Variants in MYCBP2 observed in about 807,000 individuals in gnomAD.
MYCBP2 encodes the protein E3 ubiquitin-protein ligase MYCBP2.
Under a neutral mutation model 525.3 loss-of-function variants are expected in MYCBP2, and 120 were observed. That is an observed-to-expected ratio of 0.23 (90% CI 0.20 to 0.27). The LOEUF (loss-of-function observed/expected upper bound fraction) is 0.27. Among genes scored for constraint, MYCBP2 ranks in the 10% least tolerant of loss-of-function variants. The probability of loss-of-function intolerance (pLI) is 1.00; values close to 1 mark genes in which losing one functional copy is unlikely to be tolerated. For synonymous variants in MYCBP2, 1,894 were observed against 1,955.8 expected (o/e 0.97, Z 0.83); for missense variants, 4,149 against 5,657.1 (o/e 0.73, Z 8.55).
intron 21 of MYCBP2, 58 bp downstream of exon 21, chr13:77,217,782 G>C: frequency 2.8e-6 from 3 of 1,080,314 alleles, no homozygotes; most frequent in Non-Finnish European, 2.7e-6. Context: ...AGCTAATATA[G>C]ACAAATTATA....
intron 15 of MYCBP2, among the ~76,000 whole-genome samples, chr13:77,245,689 GTATACCTATGTAACAAACCTGCACGT>G: frequency 6.6e-6 from 1 of 151,266 alleles, no homozygotes; most frequent in East Asian, 1.9e-4. Context: ...CATGGCATGT[GTATACCTATGTAACAAACCTGCACGT>G]TCTGCACATG....
chr13:77,238,521 A>T (rs2068317665), intron 17 of MYCBP2, among the ~76,000 whole-genome samples: 1 of 152,198 alleles, frequency 6.6e-6, no homozygotes, highest in Admixed American at 6.5e-5. Context: ...CTGAATAAGC[A>T]CTTCACTTGC....
chr13:77,177,726 A>G, intron 35 of MYCBP2, 22 bp downstream of exon 35: 1 of 1,585,380 alleles, frequency 6.3e-7, no homozygotes, highest in South Asian at 1.1e-5. Context: ...ATCAGGATAA[A>G]TACTAAAAGG....
At chr13:77,060,003 T>C (rs1465106757) in intron 76 of MYCBP2, among the ~76,000 whole-genome samples, 1 of 152,094 alleles carries the variant, frequency 6.6e-6, no homozygotes, top group Non-Finnish European at 1.5e-5. Context: ...GTTAGGGAAA[T>C]CTTTAACTAT....
At chr13:77,300,453 C>T (rs2078660429) in intron 1 of MYCBP2, among the ~76,000 whole-genome samples, 2 of 152,210 alleles carry the variant, frequency 1.3e-5, no homozygotes, top group Non-Finnish European at 2.9e-5. Flanking sequence ...ACATTCTCTT[C>T]CTTTTTTATT....
chr13:77,158,452 CT>C (rs1449311062), intron 44 of MYCBP2, among the ~76,000 whole-genome samples: 3 of 152,012 alleles, frequency 2.0e-5, no homozygotes, highest in Admixed American at 6.6e-5. Flanking sequence ...ATGTCTCCCC[CT>C]TTTTTCTTTT....
At chr13:77,093,092 G>A in intron 59 of MYCBP2, 73 bp downstream of exon 59, 1 of 1,409,596 alleles carries the variant, frequency 7.1e-7, no homozygotes, top group Non-Finnish European at 9.6e-7. Context: ...ACTTCTACAG[G>A]ACTCTTTTCT....
At chr13:77,186,736 A>C (rs1226833954) in intron 30 of MYCBP2, among the ~76,000 whole-genome samples, 3 of 151,974 alleles carry the variant, frequency 2.0e-5, no homozygotes, top group East Asian at 3.9e-4. Flanking sequence ...TGAATCTCAA[A>C]GCAGAGCACT....
chr13:77,196,163 G>C (rs968523308), intron 26 of MYCBP2, among the ~76,000 whole-genome samples: 3 of 152,218 alleles, frequency 2.0e-5, no homozygotes, highest in African/African-American at 7.2e-5. Flanking sequence ...TGAGGAAACA[G>C]CAAGTGAAGA....
At chr13:77,187,494 T>C (rs2060837348) in intron 30 of MYCBP2, among the ~76,000 whole-genome samples, 1 of 152,168 alleles carries the variant, frequency 6.6e-6, no homozygotes, top group African/African-American at 2.4e-5. Context: ...GTATAGATGC[T>C]CATGAAGCAA....
At chr13:77,219,420 G>A (rs910552153) in intron 20 of MYCBP2, among the ~76,000 whole-genome samples, 2 of 150,056 alleles carry the variant, frequency 1.3e-5, no homozygotes, top group Admixed American at 6.7e-5. Flanking sequence ...AAAGAAAGGA[G>A]AGCCAGCAGC....
chr13:77,129,485 C>T (rs377079165), intron 52 of MYCBP2: 23 of 280,542 alleles, frequency 8.2e-5, no homozygotes, highest in Admixed American at 3.1e-4. Flanking sequence ...AAGAGCCAGA[C>T]GTTGTTATAA....
intron 17 of MYCBP2, among the ~76,000 whole-genome samples, chr13:77,238,238 G>A (rs180941318): frequency 0.029 from 3,046 of 105,722 alleles, 44 homozygotes; most frequent in Middle Eastern, 0.14. Context: ...GCGAGACTCC[G>A]TCTCAAAAAA....
rs147793615 is a variant in MYCBP2 at position 77,104,497 on chromosome 13, G to A, written c.8141-5484C>T. Among the ~76,000 whole-genome samples the A allele has an allele frequency of 1.1e-4, 17 of 152,184 alleles. No individual in the cohort carries two copies. The East Asian group carries it at 3.3e-3, about 29-fold the overall frequency. On this transcript the variant is annotated intron_variant, in intron 55 of 82. Coordinates refer to ENST00000544440, the MANE Select transcript of MYCBP2 (RefSeq NM_015057.5). ...GAAACTTGGGAGTCATATGCCTACA[G>A]ATGTGTCATTCTCCATGACTGCAGA...
chr13:77,324,989 C>G (rs1343934403), intron 1 of MYCBP2, among the ~76,000 whole-genome samples: 1 of 152,194 alleles, frequency 6.6e-6, no homozygotes, highest in Non-Finnish European at 1.5e-5. Flanking sequence ...AAAGCATTAG[C>G]AAGAAACAGA....
rs181939077 is a variant in MYCBP2 at position 77,242,940 on chromosome 13, C to T, written c.2629+119G>A. 4.6e-4 allele frequency: 363 copies of T among 790,792 alleles called. 1 individual carries two copies. In the African/African-American group the frequency reaches 5.5e-3, roughly 12 times the overall value. The allele number at this position is 790,792 out of a possible 1,614,324, so 49.0% of individuals were successfully genotyped here. On this transcript the variant is annotated intron_variant, in intron 17 of 82. Transcript: ENST00000544440. ...CATTATATGAGTTATCAGAATATTG[C>T]TAATTTTAATTTTGATGATTTCTTA...
rs762252815 is a variant in MYCBP2 at position 77,276,061 on chromosome 13, T to C, written c.749-2393A>G. 2.1e-4 allele frequency among the ~76,000 whole-genome samples: 32 copies of C among 152,202 alleles called. 1 individual carries two copies. Among genetic ancestry groups the C allele is most frequent in the Non-Finnish European group, 4.3e-4 (29 of 68,036 alleles). On this transcript the variant is annotated intron_variant, in intron 4 of 82. Transcript: ENST00000544440. ...ATCCACATTTGTAATTATACACATATCCAACTCTCTGATGCTAAGTTCCAT... is the reference window on the plus strand; with the variant it reads ...ATCCACATTTGTAATTATACACATACCCAACTCTCTGATGCTAAGTTCCAT...
intron 60 of MYCBP2, among the ~76,000 whole-genome samples, chr13:77,089,646 T>TC (rs761044909): frequency 0.023 from 3,312 of 142,798 alleles, 54 homozygotes; most frequent in African/African-American, 0.033. Flanking sequence ...ATCATGTAAC[T>TC]GTTTTTTTTT....
intron 46 of MYCBP2, among the ~76,000 whole-genome samples, chr13:77,152,231 AC>A (rs1248179459): frequency 6.6e-6 from 1 of 152,250 alleles, no homozygotes; most frequent in African/African-American, 2.4e-5. Flanking sequence ...AGGTGAGGTT[AC>A]AAGAGATCAG....
Sources: allele counts gnomAD v4.1 joint callset (sites outside exome capture counted in the v4.1 genomes callset), GRCh38; gene constraint gnomAD v4.1.1; transcripts MANE v1.5; gene names NCBI Gene and HGNC (gene_info 2026-07-23, HGNC 2026-07-21).